GCKR: variants seen among roughly 807,000 people sequenced by gnomAD.
GCKR encodes glucokinase regulator.
Under a neutral mutation model 82.9 loss-of-function variants are expected in GCKR, and 73 were observed. The ratio of observed to expected loss-of-function variants is 0.88; its 90% CI spans 0.73 to 1.07. The LOEUF (loss-of-function observed/expected upper bound fraction) is 1.07, where lower values mean the gene tolerates loss of function less well. Ranked by LOEUF, GCKR falls within the 50% of genes least tolerant of loss-of-function variation. The pLI is 0.00. For synonymous variants in GCKR, 294 were observed against 291.8 expected (o/e 1.01, Z -0.08); for missense variants, 784 against 782.1 (o/e 1.00, Z -0.03).
chr2:27,501,071 G>A, intron 7 of GCKR, 64 bp from the exon 8 acceptor site: 1 of 1,100,374 alleles, frequency 9.1e-7, no homozygotes. Context: ...TGATGCACTT[G>A]AGCCTTGGGC....
chr2:27,510,446 A>T (rs1439704731), intron 16 of GCKR, among the ~76,000 whole-genome samples: 1 of 152,180 alleles, frequency 6.6e-6, no homozygotes, highest in Non-Finnish European at 1.5e-5. Context: ...ATCCTTATAA[A>T]CACATCTTTT....
intron 16 of GCKR, among the ~76,000 whole-genome samples, chr2:27,513,337 C>T (rs910286494): frequency 6.6e-6 from 1 of 152,052 alleles, no homozygotes; most frequent in Non-Finnish European, 1.5e-5. Flanking sequence ...TTGAGACCAG[C>T]CTGGCCAGCA....
At position 27,508,726 on chromosome 2, in the gene GCKR, T is replaced by C. The variant is rs146716184; in HGVS notation, c.1422+475T>C. Among the ~76,000 whole-genome samples the C allele has an allele frequency of 3.8e-3, 574 of 152,240 alleles. 29 individuals carry two copies. The East Asian group carries it at 0.091, about 24-fold the overall frequency. On this transcript the variant is annotated intron_variant, in intron 16 of 18. Coordinates refer to ENST00000264717, the MANE Select transcript of GCKR (RefSeq NM_001486.4). Reference sequence around the variant, plus strand: ...TAGGGTTTCCTCATGTTGGCCAGGCTGGTCTCGAACTCCTGACCTCAAGTG... The same window carrying C: ...TAGGGTTTCCTCATGTTGGCCAGGCCGGTCTCGAACTCCTGACCTCAAGTG...
chr2:27,507,911 C>A, intron 14 of GCKR, 66 bp from the exon 15 acceptor site: 1 of 1,248,286 alleles, frequency 8.0e-7, no homozygotes, highest in Non-Finnish European at 1.2e-6. Context: ...TGGACCCCAG[C>A]CAGGGGAGCA....
Position 27,507,248 on chromosome 2 carries a change from C to G in GCKR, c.1080C>G (p.Val360=). The stretch of plus-strand genomic sequence containing the variant: ...TAAACTTCCCAGATTTCCGAGATGT[C>G]CGTGGCTTTCTCATTGGTGATCACA... The part of the protein sequence containing the change: ...IHTFGADFRD[V]RGFLIGDHSD... Residue 360 remains valine (V), a synonymous_variant, in exon 13 of 19, where the codon GTC becomes GTG. Coordinates refer to ENST00000264717, the MANE Select transcript of GCKR (RefSeq NM_001486.4). 1 of 1,610,454 alleles carries G rather than the reference C, an allele frequency of 6.2e-7. No homozygotes were observed. The highest frequency in any genetic ancestry group is 8.5e-7 in the Non-Finnish European group (1 of 1,176,632).
At chr2:27,503,051 C>T (rs1181022419) in intron 8 of GCKR, among the ~76,000 whole-genome samples, 1 of 152,232 alleles carries the variant, frequency 6.6e-6, no homozygotes, top group African/African-American at 2.4e-5. Context: ...TCACTGTTAT[C>T]CCTCCCTCTG....
intron 18 of GCKR, 50 bp downstream of exon 18, chr2:27,522,644 AGT>A: frequency 6.6e-7 from 1 of 1,509,028 alleles, no homozygotes; most frequent in Non-Finnish European, 9.2e-7. Flanking sequence ...GAGTACTTTC[AGT>A]GTGTCAGGAA....
intron 16 of GCKR, among the ~76,000 whole-genome samples, chr2:27,511,165 T>C (rs1055455344): frequency 6.6e-6 from 1 of 151,964 alleles, no homozygotes; most frequent in African/African-American, 2.4e-5. Flanking sequence ...GTAGCTGGGA[T>C]TACAGGCACA....
chr2:27,519,447 A>AC (rs895266044), intron 17 of GCKR, among the ~76,000 whole-genome samples: 11 of 151,520 alleles, frequency 7.3e-5, no homozygotes, highest in South Asian at 6.2e-4. Flanking sequence ...GATTACAGGC[A>AC]CCCCCCACCA....
intron 13 of GCKR, 69 bp from the exon 14 acceptor site, chr2:27,507,612 C>G: frequency 2.3e-6 from 2 of 858,950 alleles, no homozygotes; most frequent in South Asian, 1.3e-5. Flanking sequence ...CCACGGCCCC[C>G]TTTAGTCCTC....
intron 9 of GCKR, among the ~76,000 whole-genome samples, chr2:27,504,799 T>C (rs1174937175): frequency 6.6e-6 from 1 of 151,660 alleles, no homozygotes; most frequent in East Asian, 1.9e-4. Context: ...CCACAGAAAA[T>C]GGTGGAAGTG....
At chr2:27,500,013 C>T (rs1276154090) in intron 7 of GCKR, among the ~76,000 whole-genome samples, 3 of 152,094 alleles carry the variant, frequency 2.0e-5, no homozygotes, top group Non-Finnish European at 4.4e-5. Context: ...CTGCCTCGCT[C>T]AGCCTCTCAA....
chr2:27,504,578 C>T (rs1446775312), intron 9 of GCKR, among the ~76,000 whole-genome samples: 2 of 151,786 alleles, frequency 1.3e-5, no homozygotes, highest in East Asian at 2.0e-4. Flanking sequence ...GAACTCCTGA[C>T]CTCAGGTGAT....
intron 16 of GCKR, among the ~76,000 whole-genome samples, chr2:27,514,664 T>C (rs1156445412): frequency 6.6e-6 from 1 of 152,264 alleles, no homozygotes; most frequent in Non-Finnish European, 1.5e-5. Flanking sequence ...AGGTTTCCCA[T>C]ATTTTGCTAT....
intron 8 of GCKR, among the ~76,000 whole-genome samples, 200 bp downstream of exon 8, chr2:27,501,429 A>T (rs1290200303): frequency 6.6e-6 from 1 of 152,262 alleles, no homozygotes; most frequent in Non-Finnish European, 1.5e-5. Context: ...TGTTTCAGAA[A>T]GCATTAAAGG....
chr2:27,496,883 A>G lies in GCKR; in HGVS notation c.-22A>G. The stretch of plus-strand genomic sequence containing the variant: ...GTGTGGCTGAAGAGGCAGGAGGAAC[A>G]GTGTATCCACAGCGTGGGACCATGC... On this transcript the variant is annotated 5_prime_UTR_variant, in exon 1 of 19. Coordinates refer to ENST00000264717, the MANE Select transcript of GCKR (RefSeq NM_001486.4). The G allele has an allele frequency of 6.2e-7, 1 of 1,605,722 alleles. No homozygotes were observed. Among genetic ancestry groups the G allele is most frequent in the Non-Finnish European group, 8.5e-7 (1 of 1,172,346 alleles).
chr2:27,498,654 G>A, intron 4 of GCKR, 70 bp from the exon 5 acceptor site: 4 of 924,874 alleles, frequency 4.3e-6, no homozygotes, highest in South Asian at 3.9e-5. Context: ...CTGCCCTCTA[G>A]GAGTTGAAAA....
rs140693385 is a variant in GCKR, at chr2:27,507,982, C to G, written c.1246C>G (p.Leu416Val). 17 of 1,610,108 alleles carry G rather than the reference C, an allele frequency of 1.1e-5. No homozygotes were observed. In the African/African-American group the frequency reaches 2.0e-4, roughly 19 times the overall value. Residue 416 changes from leucine (L) to valine (V), a missense_variant, in exon 15 of 19, where the codon CTC becomes GTC. By Grantham distance (32) the Leu-to-Val change is conservative. Coordinates refer to ENST00000264717, the MANE Select transcript of GCKR (RefSeq NM_001486.4). ...VVFIFTLDDN[L>V]TEVQTIVEQV... Reference sequence around the variant, plus strand: ...ATGCCCTCCCCTTCTCCTAGACAACCTCACGGAGGTGCAGACTATAGTGGA... The same window carrying G: ...ATGCCCTCCCCTTCTCCTAGACAACGTCACGGAGGTGCAGACTATAGTGGA...
At chr2:27,521,128 A>C (rs1670141744) in intron 17 of GCKR, among the ~76,000 whole-genome samples, 1 of 152,208 alleles carries the variant, frequency 6.6e-6, no homozygotes, top group South Asian at 2.1e-4. Flanking sequence ...GGATTTCAAA[A>C]TACAAAATCC....
Sources: gnomAD v4.1 joint callset for allele counts (sites outside exome capture counted in the v4.1 genomes callset) on GRCh38, gnomAD v4.1.1 for gene constraint, MANE v1.5 for transcripts, NCBI Gene and HGNC (gene_info 2026-07-23, HGNC 2026-07-21) for gene names.